MMP16: variants seen among roughly 807,000 people sequenced by gnomAD.
MMP16 encodes the protein matrix metalloproteinase-16.
A neutral mutation model predicts 67.8 loss-of-function variants in MMP16; 12 were observed. That is an observed-to-expected ratio of 0.18 (90% CI 0.11 to 0.29). The LOEUF (loss-of-function observed/expected upper bound fraction) is 0.29. MMP16 is among the 10% of genes least tolerant of loss of function. The pLI is 1.00. For missense variants in MMP16, 475 were observed against 765.7 expected, an observed-to-expected ratio of 0.62 and a Z score of 4.48; for synonymous variants, 249 against 255.9, an observed-to-expected ratio of 0.97 and a Z score of 0.26.
At chr8:88,153,829 C>G (rs1156900907) in intron 4 of MMP16, among the ~76,000 whole-genome samples, 20 of 151,690 alleles carry the variant, frequency 1.3e-4, no homozygotes, top group African/African-American at 4.4e-4. Context: ...GTCCAAAACA[C>G]CAAAAGCAAT....
intron 1 of MMP16, among the ~76,000 whole-genome samples, chr8:88,210,375 C>T (rs1004909079): frequency 1.3e-5 from 2 of 152,302 alleles, no homozygotes. Context: ...ACACAAACAG[C>T]TCCTGGCACA....
In MMP16 at chr8:88,294,421, T is replaced by C. The variant is rs1810976350; in HGVS notation, c.132+32654A>G. ...ATATGTATATACATATATACACATA[T>C]ATACACATATGTATATGTCTATATA... On this transcript the variant is annotated intron_variant, in intron 1 of 9. Coordinates refer to ENST00000286614, the MANE Select transcript of MMP16 (RefSeq NM_005941.5). 2.0e-5 allele frequency among the ~76,000 whole-genome samples: 3 copies of C among 151,502 alleles called. No individual in the cohort carries two copies. In the South Asian group the frequency reaches 6.2e-4, roughly 31 times the overall value.
intron 6 of MMP16, among the ~76,000 whole-genome samples, chr8:88,112,220 T>TG (rs1287564839): frequency 2.6e-5 from 4 of 151,022 alleles, no homozygotes; most frequent in Non-Finnish European, 5.9e-5. Flanking sequence ...AAGGAACTCC[T>TG]GGTGCTGTAT....
At chr8:88,326,984 G>A in intron 1 of MMP16, 91 bp downstream of exon 1, 1 of 1,541,044 alleles carries the variant, frequency 6.5e-7, no homozygotes, top group Non-Finnish European at 8.9e-7. Context: ...GACCCAGGCT[G>A]CTCTGAGCTA....
intron 1 of MMP16, among the ~76,000 whole-genome samples, chr8:88,310,843 C>T (rs1269503328): frequency 6.6e-6 from 1 of 152,034 alleles, no homozygotes; most frequent in African/African-American, 2.4e-5. Flanking sequence ...ATAAATTTGG[C>T]CTACATATTT....
intron 1 of MMP16, among the ~76,000 whole-genome samples, chr8:88,296,843 T>TA (rs35274247): frequency 0.046 from 5,301 of 114,714 alleles, 258 homozygotes; most frequent in African/African-American, 0.13. Context: ...AGACACTGCC[T>TA]AAAAAAAAAA....
At chr8:88,064,107 T>C (rs1219832711) in intron 7 of MMP16, among the ~76,000 whole-genome samples, 1 of 152,138 alleles carries the variant, frequency 6.6e-6, no homozygotes, top group Non-Finnish European at 1.5e-5. Context: ...CACACCTATT[T>C]ATTTACATAT....
intron 1 of MMP16, among the ~76,000 whole-genome samples, chr8:88,320,154 C>T (rs938840220): frequency 2.6e-5 from 4 of 152,014 alleles, no homozygotes; most frequent in Non-Finnish European, 5.9e-5. Context: ...TTTTGTGGAT[C>T]GTTTTTTACA....
At chr8:88,193,411 T>C (rs1383388394) in intron 2 of MMP16, among the ~76,000 whole-genome samples, 1 of 152,036 alleles carries the variant, frequency 6.6e-6, no homozygotes, top group Non-Finnish European at 1.5e-5. Flanking sequence ...TAGAATTATC[T>C]AGAATTATGG....
intron 7 of MMP16, 119 bp from the exon 8 acceptor site, chr8:88,056,397 A>G (rs1808333174): frequency 6.5e-6 from 2 of 309,168 alleles, no homozygotes; most frequent in Non-Finnish European, 1.1e-5. Context: ...TATACTAAAT[A>G]TATATTATAT....
In MMP16 at chr8:88,139,230, T is replaced by G. The variant is rs28907604; in HGVS notation, c.710-20369A>C. ...TCATCTGTTAGTTCCCCTTATAGCT[T>G]TGCAAATTTACCTCAGCATTTTTCT... is the stretch of plus-strand genomic sequence containing the variant. On this transcript the variant is annotated intron_variant, in intron 4 of 9. Transcript: ENST00000286614. 4.9e-3 allele frequency among the ~76,000 whole-genome samples: 749 copies of G among 152,216 alleles called. 2 individuals carry two copies. Among genetic ancestry groups the G allele is most frequent in the African/African-American group, 0.017 (697 of 41,540 alleles).
At chr8:88,177,499 G>T (rs192103909) in intron 3 of MMP16, among the ~76,000 whole-genome samples, 1 of 148,176 alleles carries the variant, frequency 6.7e-6, no homozygotes, top group East Asian at 2.0e-4. Flanking sequence ...TGGAGGGCGG[G>T]GAGAGAGCTC....
chr8:88,195,389 G>C (rs536476003), intron 2 of MMP16, among the ~76,000 whole-genome samples: 4 of 152,078 alleles, frequency 2.6e-5, no homozygotes, highest in Non-Finnish European at 4.4e-5. Context: ...TGTTTCCCAA[G>C]TCCTCAGTTT....
intron 4 of MMP16, among the ~76,000 whole-genome samples, chr8:88,137,971 T>G (rs1009899359): frequency 6.6e-6 from 1 of 152,054 alleles, no homozygotes; most frequent in Non-Finnish European, 1.5e-5. Context: ...TTCTATTTGA[T>G]CCTTTGCAAT....
At chr8:88,270,978 C>T (rs1462351892) in intron 1 of MMP16, among the ~76,000 whole-genome samples, 1 of 152,106 alleles carries the variant, frequency 6.6e-6, no homozygotes, top group African/African-American at 2.4e-5. Context: ...TTTGTATCTA[C>T]CCAGACCTGG....
chr8:88,095,645 C>T lies in MMP16; in HGVS notation c.1083+20862G>A, dbSNP rs16878010. 5.8e-3 allele frequency among the ~76,000 whole-genome samples: 878 copies of T among 151,942 alleles called. 6 individuals are homozygous for T. Among genetic ancestry groups the T allele is most frequent in the African/African-American group, 0.02 (839 of 41,526 alleles). On this transcript the variant is annotated intron_variant, in intron 6 of 9. Coordinates refer to ENST00000286614, the MANE Select transcript of MMP16 (RefSeq NM_005941.5). ...TTGTTTTGTAAAGTGAGTTTTTGCT[C>T]TCATAAATAATACGCTTCAAAACCA...
intron 1 of MMP16, among the ~76,000 whole-genome samples, chr8:88,291,667 T>C (rs1360683323): frequency 6.6e-6 from 1 of 152,118 alleles, no homozygotes; most frequent in Non-Finnish European, 1.5e-5. Context: ...AACAAATTAA[T>C]AAAAGCTGCA....
At chr8:88,103,253 T>C (rs544487646) in intron 6 of MMP16, among the ~76,000 whole-genome samples, 160 of 151,938 alleles carry the variant, frequency 1.1e-3, no homozygotes, top group African/African-American at 3.5e-3. Context: ...CCACTGTACT[T>C]TGTACATTCG....
At chr8:88,254,951 T>C (rs1810278993) in intron 1 of MMP16, among the ~76,000 whole-genome samples, 2 of 152,210 alleles carry the variant, frequency 1.3e-5, no homozygotes, top group Admixed American at 6.5e-5. Flanking sequence ...ATATAAGAAC[T>C]ATCTGTATGT....
Sources: allele counts gnomAD v4.1 joint callset (sites outside exome capture counted in the v4.1 genomes callset), GRCh38; gene constraint gnomAD v4.1.1; transcripts MANE v1.5; gene names NCBI Gene and HGNC (gene_info 2026-07-23, HGNC 2026-07-21).